Variants in ROBO1 observed in about 807,000 individuals in gnomAD.
ROBO1 encodes roundabout homolog 1.
In ROBO1, 149 loss-of-function variants were observed where a neutral mutation model predicts 195.9. The ratio of observed to expected loss-of-function variants is 0.76; its 90% CI spans 0.67 to 0.87. The LOEUF (loss-of-function observed/expected upper bound fraction) is 0.87, where lower values mean the gene tolerates loss of function less well. Among genes scored for constraint, ROBO1 ranks in the 40% least tolerant of loss-of-function variants. ROBO1 has a pLI of 0.00. For missense variants in ROBO1, 1,933 were observed against 2,068.3 expected (o/e 0.93, Z 1.27); for synonymous variants, 816 against 733.2 (o/e 1.11, Z -1.82).
intron 2 of ROBO1, among the ~76,000 whole-genome samples, chr3:79,574,826 T>C (rs1420814804): frequency 6.6e-6 from 1 of 151,678 alleles, no homozygotes; most frequent in African/African-American, 2.4e-5. Flanking sequence ...CATATCATGA[T>C]AGTGAATCAA....
chr3:79,499,902 G>A (rs1218475783), intron 2 of ROBO1, among the ~76,000 whole-genome samples: 1 of 151,876 alleles, frequency 6.6e-6, no homozygotes, highest in Non-Finnish European at 1.5e-5. Flanking sequence ...CGCCTCCCTG[G>A]TTCAAGCAAT....
At chr3:79,762,446 A>G (rs547807359) in intron 1 of ROBO1, among the ~76,000 whole-genome samples, 3 of 141,868 alleles carry the variant, frequency 2.1e-5, no homozygotes, top group Non-Finnish European at 4.9e-5. Context: ...AATGATTACA[A>G]TGGAATTTCA....
At chr3:79,533,671 A>G (rs962575561) in intron 2 of ROBO1, among the ~76,000 whole-genome samples, 2 of 152,134 alleles carry the variant, frequency 1.3e-5, no homozygotes, top group African/African-American at 2.4e-5. Context: ...AACTTAATTG[A>G]ACTAAATGTT....
At chr3:78,939,432 G>T (rs1260917981) in intron 3 of ROBO1, among the ~76,000 whole-genome samples, 2 of 150,468 alleles carry the variant, frequency 1.3e-5, no homozygotes, top group African/African-American at 4.9e-5. Context: ...GGCTAACAAG[G>T]TGAAACCCCG....
chr3:79,717,534 C>T (rs1264038090), intron 1 of ROBO1, among the ~76,000 whole-genome samples: 2 of 151,930 alleles, frequency 1.3e-5, no homozygotes, highest in Non-Finnish European at 2.9e-5. Flanking sequence ...AATGAAAATG[C>T]ACACCTTCAA....
At chr3:79,287,425 T>G (rs1282294606) in intron 2 of ROBO1, among the ~76,000 whole-genome samples, 1 of 152,150 alleles carries the variant, frequency 6.6e-6, no homozygotes, top group Non-Finnish European at 1.5e-5. Context: ...CTCCTTTACT[T>G]TCTATCACTG....
At chr3:79,531,483 C>A (rs1394557180) in intron 2 of ROBO1, among the ~76,000 whole-genome samples, 1 of 151,966 alleles carries the variant, frequency 6.6e-6, no homozygotes, top group Admixed American at 6.6e-5. Flanking sequence ...ATTAACCAGG[C>A]TTGGTGGTGT....
chr3:79,165,159 T>C lies in ROBO1; in HGVS notation c.89-39620A>G, dbSNP rs1477641835. Among the ~76,000 whole-genome samples the C allele has an allele frequency of 2.6e-5, 4 of 152,208 alleles. No homozygotes were observed. The East Asian group carries it at 7.7e-4, about 29-fold the overall frequency. On this transcript the variant is annotated intron_variant, in intron 2 of 30. Coordinates refer to ENST00000464233, the MANE Select transcript of ROBO1 (RefSeq NM_002941.4). The stretch of plus-strand genomic sequence containing the variant: ...CATCCTGAGAGCCTAGAATAGTGCC[T>C]GGCACACAGGAAGATGTTCAATAAA...
At chr3:79,276,713 A>C (rs867502132) in intron 2 of ROBO1, among the ~76,000 whole-genome samples, 3 of 152,058 alleles carry the variant, frequency 2.0e-5, no homozygotes, top group South Asian at 4.1e-4. Context: ...AATATTTGCA[A>C]ACTATCCATC....
chr3:79,666,651 A>G (rs1560083247), intron 1 of ROBO1, among the ~76,000 whole-genome samples: 2 of 151,796 alleles, frequency 1.3e-5, no homozygotes, highest in Non-Finnish European at 2.9e-5. Flanking sequence ...GCTGCCATGT[A>G]AGACATGCCT....
intron 2 of ROBO1, among the ~76,000 whole-genome samples, chr3:79,520,244 C>A (rs1941152585): frequency 2.0e-5 from 3 of 151,644 alleles, no homozygotes. Context: ...GTAAAACAGG[C>A]AGAAGGAAAA....
chr3:78,975,967 T>TA (rs2076876360), intron 3 of ROBO1, among the ~76,000 whole-genome samples: 1 of 152,184 alleles, frequency 6.6e-6, no homozygotes, highest in Non-Finnish European at 1.5e-5. Flanking sequence ...AACAAATACT[T>TA]AAAATATACA....
At chr3:79,533,333 G>C (rs7429850) in intron 2 of ROBO1, among the ~76,000 whole-genome samples, 86,929 of 151,946 alleles carry the variant, frequency 0.57, 24,983 homozygotes, top group Non-Finnish European at 0.6. Flanking sequence ...TTTGTCTCAT[G>C]ATTATTTCAC....
intron 4 of ROBO1, among the ~76,000 whole-genome samples, chr3:78,847,101 G>A (rs1170058569): frequency 6.6e-6 from 1 of 152,062 alleles, no homozygotes; most frequent in African/African-American, 2.4e-5. Flanking sequence ...TCAAATCTAG[G>A]CTCCAGGCTG....
At chr3:78,693,676 T>C (rs2081225797) in intron 8 of ROBO1, among the ~76,000 whole-genome samples, 1 of 152,222 alleles carries the variant, frequency 6.6e-6, no homozygotes, top group Non-Finnish European at 1.5e-5. Flanking sequence ...GACAACAGGT[T>C]AGAGAACTAA....
At position 78,627,356 on chromosome 3, in the gene ROBO1, C is replaced by G; in HGVS notation, c.3840G>C (p.Glu1280Asp). ...ELQPMLQDCPEETGHMQHQPD... is the reference protein window; with the variant it reads ...ELQPMLQDCPDETGHMQHQPD... ...GCTGGTGCTGCATGTGGCCAGTCTC[C>G]TCTGGACAATCCTGTAACATGGGCT... Residue 1280 changes from glutamate (E) to aspartate (D), a missense_variant, in exon 26 of 31, where the codon GAG becomes GAC. Glu to Asp is a conservative substitution (Grantham distance 45). This residue lies in a region of ROBO1 where 1,737 missense variants were observed against 1,882.5 expected (regional missense o/e 0.92). Coordinates refer to ENST00000464233, the MANE Select transcript of ROBO1 (RefSeq NM_002941.4). 6.2e-7 allele frequency: 1 copy of G among 1,612,530 alleles called. No individual in the cohort carries two copies. The highest frequency in any genetic ancestry group is 2.2e-5 in the East Asian group (1 of 44,744).
intron 3 of ROBO1, among the ~76,000 whole-genome samples, chr3:78,989,831 C>T (rs2077194702): frequency 6.6e-6 from 1 of 151,850 alleles, no homozygotes; most frequent in Non-Finnish European, 1.5e-5. Context: ...AAAGATACTT[C>T]CATTGGACAG....
intron 1 of ROBO1, among the ~76,000 whole-genome samples, chr3:79,635,520 T>C (rs185476733): frequency 1.3e-5 from 2 of 152,314 alleles, no homozygotes; most frequent in East Asian, 3.9e-4. Context: ...GAACACCATC[T>C]TGACTAACAA....
intron 4 of ROBO1, among the ~76,000 whole-genome samples, chr3:78,835,579 T>C (rs977211848): frequency 4.6e-5 from 7 of 152,158 alleles, no homozygotes; most frequent in African/African-American, 1.4e-4. Context: ...TACAAAATAG[T>C]AATTTCTAGG....
Sources: gnomAD v4.1 joint callset for allele counts (sites outside exome capture counted in the v4.1 genomes callset) on GRCh38, gnomAD v4.1.1 for gene constraint, gnomAD v4.1.1 regional missense constraint, MANE v1.5 for transcripts, NCBI Gene and HGNC (gene_info 2026-07-23, HGNC 2026-07-21) for gene names.